Variants in STAT5B observed in about 807,000 individuals in gnomAD.
STAT5B encodes the protein transcription factor STAT5B.
STAT5B carries 21 observed loss-of-function variants against 107.8 expected under a neutral mutation model. The observed-to-expected ratio is 0.19, with a 90% CI of 0.14 to 0.28. The LOEUF is 0.28. Among genes scored for constraint, STAT5B ranks in the 10% least tolerant of loss-of-function variants. The pLI, the probability that STAT5B is intolerant of heterozygous loss-of-function variation, is 1.00. For synonymous variants in STAT5B, 325 were observed against 401.7 expected (o/e 0.81, Z 2.28); for missense variants, 565 against 1,008.2 (o/e 0.56, Z 5.95).
Position 42,219,038 on chromosome 17 carries a change from G to A in STAT5B, c.834-160C>T, listed in dbSNP as rs1024185625. Among the ~76,000 whole-genome samples, 7 of 152,016 alleles carry A rather than the reference G, an allele frequency of 4.6e-5. No homozygotes were observed. In the East Asian group the frequency reaches 1.2e-3, roughly 25 times the overall value. The stretch of plus-strand genomic sequence containing the variant: ...CTCCCTGCCTCCCAGAATTAGAGAC[G>A]TACACAGGAGGGGCGACCCTGACTA... On this transcript the variant is annotated intron_variant, in intron 7 of 18. Transcript: ENST00000293328.
chr17:42,234,041 G>A (rs1304379751), intron 1 of STAT5B: 1 of 152,146 alleles, frequency 6.6e-6, no homozygotes, highest in Non-Finnish European at 1.5e-5. Flanking sequence ...GGGTTATCTT[G>A]AATTCCATCC....
chr17:42,246,948 G>A (rs982919065), intron 1 of STAT5B, among the ~76,000 whole-genome samples: 2 of 152,118 alleles, frequency 1.3e-5, no homozygotes, highest in African/African-American at 4.8e-5. Flanking sequence ...TCCTAACTTC[G>A]CTCCTACTCA....
At chr17:42,220,216 A>C (rs1047813120) in intron 5 of STAT5B, among the ~76,000 whole-genome samples, 3 of 152,162 alleles carry the variant, frequency 2.0e-5, no homozygotes, top group African/African-American at 7.2e-5. Context: ...CTGCAGGTGA[A>C]CCTGGGCAAA....
intron 2 of STAT5B, 110 bp from the exon 3 acceptor site, chr17:42,227,795 T>A (rs915177079): frequency 2.1e-5 from 24 of 1,163,332 alleles, no homozygotes; most frequent in Admixed American, 1.1e-4. Context: ...TTTTTAATCC[T>A]CACTGCAAAT....
At chr17:42,234,487 A>AT (rs1219346164) in intron 1 of STAT5B, 3 of 152,210 alleles carry the variant, frequency 2.0e-5, no homozygotes, top group Admixed American at 6.5e-5. Flanking sequence ...TGCACAATGT[A>AT]TTTTTTAATC....
chr17:42,283,504 A>C, the STAT5B span, among the ~76,000 whole-genome samples: 2 of 151,812 alleles, frequency 1.3e-5, no homozygotes, highest in East Asian at 3.9e-4. Context: ...AGGAAGCAGG[A>C]CTCCTCTCCT....
chr17:42,262,970 G>GTATGTA (rs2080626842), intron 1 of STAT5B, among the ~76,000 whole-genome samples: 2 of 20,946 alleles, frequency 9.5e-5, no homozygotes, highest in Non-Finnish European at 1.7e-4. Context: ...GTGTGTGTGT[G>GTATGTA]TATATATATA....
rs1196828042 is a variant in STAT5B at position 42,199,982 on chromosome 17, C to T, written c.*1756G>A. On this transcript the variant is annotated 3_prime_UTR_variant, in exon 19 of 19. Transcript: ENST00000293328. ...TCTCACCCTTCCCCGATGCACCCAT[C>T]CTCATGGTTGGAATTTTCATCAAAT... 1 of 152,518 alleles carries T rather than the reference C, an allele frequency of 6.6e-6. No homozygotes were observed. The highest frequency in any genetic ancestry group is 2.1e-4 in the South Asian group (1 of 4,822). 9.4% of individuals were successfully genotyped at this position (152,518 alleles called of 1,614,324 possible).
At chr17:42,263,240 G>C (rs958329463) in intron 1 of STAT5B, among the ~76,000 whole-genome samples, 2 of 149,828 alleles carry the variant, frequency 1.3e-5, no homozygotes. Flanking sequence ...ACGAAGCACA[G>C]GAAATAACAC....
In STAT5B at chr17:42,200,526, T is replaced by C. The variant is rs775399441; in HGVS notation, c.*1212A>G. On this transcript the variant is annotated 3_prime_UTR_variant, in exon 19 of 19. Coordinates refer to ENST00000293328, the MANE Select transcript of STAT5B (RefSeq NM_012448.4). The stretch of plus-strand genomic sequence containing the variant: ...ACTTGCTGACTGCATTTCCACACAT[T>C]ACCAACACCTGCCAGGACTTCACAG... The C allele has an allele frequency of 6.5e-6, 1 of 152,858 alleles. No homozygotes were observed. Among genetic ancestry groups the C allele is most frequent in the African/African-American group, 2.4e-5 (1 of 41,442 alleles). 9.5% of individuals were successfully genotyped at this position (152,858 alleles called of 1,614,324 possible).
chr17:42,227,808 T>A, intron 2 of STAT5B, 123 bp from the exon 3 acceptor site: 1 of 1,004,442 alleles, frequency 1.0e-6, no homozygotes, highest in Non-Finnish European at 1.5e-6. Flanking sequence ...CTGCAAATTT[T>A]AAGAAACAGC....
intron 1 of STAT5B, among the ~76,000 whole-genome samples, chr17:42,263,871 G>GCACACACGCACACACACACACACA (rs1555553707): frequency 6.9e-6 from 1 of 144,936 alleles, no homozygotes; most frequent in African/African-American, 2.6e-5. Context: ...TAGAAAGCGC[G>GCACACACGCACACACACACACACA]CACACACACA....
intron 15 of STAT5B, 148 bp downstream of exon 15, chr17:42,210,023 T>C (rs2080115989): frequency 8.0e-7 from 1 of 1,252,962 alleles, no homozygotes. Flanking sequence ...ATAGGCTGCC[T>C]TATTATGAGT....
chr17:42,276,645 G>T (rs1488748615), upstream of STAT5B: 1 of 152,004 alleles, frequency 6.6e-6, no homozygotes. The surrounding 1 kb of genome is among the most constrained non-coding windows in gnomAD (Gnocchi z 4.8). Flanking sequence ...CTGCGGCGGT[G>T]GGGTGTCTTC....
intron 1 of STAT5B, among the ~76,000 whole-genome samples, chr17:42,246,404 AT>A (rs1237516003): frequency 1.3e-5 from 2 of 152,070 alleles, no homozygotes; most frequent in South Asian, 2.1e-4. Context: ...TTATAAAAAA[AT>A]TTTTTTTAAA....
chr17:42,246,070 T>G (rs748946771), intron 1 of STAT5B, among the ~76,000 whole-genome samples: 19 of 152,242 alleles, frequency 1.2e-4, no homozygotes, highest in Non-Finnish European at 2.4e-4. Flanking sequence ...TAAACAGTTG[T>G]TACATTTAGG....
chr17:42,200,817 G>C lies in STAT5B; in HGVS notation c.*921C>G, dbSNP rs977321023. 1 of 364,588 alleles carries C rather than the reference G, an allele frequency of 2.7e-6. No individual in the cohort carries two copies. Among genetic ancestry groups the C allele is most frequent in the South Asian group, 1.5e-4 (1 of 6,732 alleles). 22.6% of individuals were successfully genotyped at this position (364,588 alleles called of 1,614,324 possible). A position where few individuals can be genotyped will look rare whatever the true frequency, so the allele number is the denominator to read the frequency against. ...GAAGAAGGCCACGGACTGTGCATCCGCTGGCTCAGAGAAAGGCTGGGCAGC... is the reference window on the plus strand; with the variant it reads ...GAAGAAGGCCACGGACTGTGCATCCCCTGGCTCAGAGAAAGGCTGGGCAGC... On this transcript the variant is annotated 3_prime_UTR_variant, in exon 19 of 19. Transcript: ENST00000293328.
At chr17:42,232,705 T>G (rs2080326917) in intron 1 of STAT5B, among the ~76,000 whole-genome samples, 1 of 152,200 alleles carries the variant, frequency 6.6e-6, no homozygotes, top group Non-Finnish European at 1.5e-5. Context: ...TACTAAGGTC[T>G]TATAAGCAAA....
upstream of STAT5B, among the ~76,000 whole-genome samples, chr17:42,277,152 C>T (rs2144454211): frequency 6.6e-6 from 1 of 152,330 alleles, no homozygotes; most frequent in African/African-American, 2.4e-5. Flanking sequence ...ATCCTTTCCA[C>T]GTGCTGAGGA....
Sources: allele counts gnomAD v4.1 joint callset (sites outside exome capture counted in the v4.1 genomes callset), GRCh38; gene constraint gnomAD v4.1.1; non-coding constraint Gnocchi (gnomAD v3.1); transcripts MANE v1.5; gene names NCBI Gene and HGNC (gene_info 2026-07-23, HGNC 2026-07-21).